FYTTD1: variants seen among roughly 807,000 people sequenced by gnomAD.
FYTTD1 encodes the protein UAP56-interacting factor.
FYTTD1 carries 22 observed loss-of-function variants against 40.9 expected under a neutral mutation model. The observed-to-expected ratio is 0.54, with a 90% CI of 0.38 to 0.77. The LOEUF is 0.77. Among genes scored for constraint, FYTTD1 ranks in the 30% least tolerant of loss-of-function variants. The pLI is 0.00. For missense variants in FYTTD1, 351 were observed against 392.2 expected (o/e 0.90, Z 0.89); for synonymous variants, 140 against 137.9 (o/e 1.01, Z -0.10).
intron 1 of FYTTD1, chr3:197,755,612 A>G (rs985074291): frequency 9.8e-6 from 1 of 101,682 alleles, no homozygotes; most frequent in African/African-American, 1.4e-4. Context: ...TACCCGGCTA[A>G]TTTATTTATT....
In FYTTD1 at chr3:197,768,508, T is replaced by C; in HGVS notation, c.305T>C (p.Ile102Thr). The change falls in exon 3 of 9, where the codon ATC becomes ACC. Residue 102 changes from isoleucine (I) to threonine (T), a missense_variant. Coordinates refer to ENST00000241502, the MANE Select transcript of FYTTD1 (RefSeq NM_032288.7). ...GGAAAGAGACGTCCTAATGGAGTTA[T>C]CACTGGCCTTGCAGCTAGGAAAACG... ...MPGKRRPNGV[I>T]TGLAARKTTG... 1.2e-6 allele frequency: 2 copies of C among 1,613,404 alleles called. No individual in the cohort carries two copies. The highest frequency in any genetic ancestry group is 8.5e-7 in the Non-Finnish European group (1 of 1,179,386).
chr3:197,756,271 A>G (rs866023468), intron 1 of FYTTD1, among the ~76,000 whole-genome samples, 155 bp from the exon 2 acceptor site: 2 of 152,190 alleles, frequency 1.3e-5, no homozygotes, highest in Non-Finnish European at 1.5e-5. Context: ...GCTTTGGGCT[A>G]TTGTAAAATG....
intron 1 of FYTTD1, chr3:197,750,559 T>C: frequency 4.1e-6 from 4 of 985,018 alleles, no homozygotes; most frequent in Non-Finnish European, 3.6e-6. Context: ...AACCAGCGCT[T>C]CCGGAGCTTT....
rs1344501887 is a variant in FYTTD1, at chr3:197,783,071, C to CA, written c.*1163dup. On this transcript the variant is annotated 3_prime_UTR_variant, in exon 9 of 9. Coordinates refer to ENST00000241502, the MANE Select transcript of FYTTD1 (RefSeq NM_032288.7). ...TTCTTATATGGTATAAATTAAAGTT[C>CA]AGGCATTTATGGGGAGAAAAGGCCC... 8 of 152,564 alleles carry CA rather than the reference C, an allele frequency of 5.2e-5. No homozygotes were observed. Among genetic ancestry groups the CA allele is most frequent in the African/African-American group, 1.7e-4 (7 of 41,408 alleles). 9.5% of individuals were successfully genotyped at this position (152,564 alleles called of 1,614,324 possible).
At chr3:197,749,650 G>A, upstream of FYTTD1, 1 of 852,670 alleles carries the variant, frequency 1.2e-6, no homozygotes, top group Non-Finnish European at 1.8e-6. Context: ...AAGATTCAGA[G>A]GTGCCCGCGG....
chr3:197,769,385 C>T (rs1349502062), intron 3 of FYTTD1, among the ~76,000 whole-genome samples: 3 of 152,234 alleles, frequency 2.0e-5, no homozygotes, highest in Non-Finnish European at 4.4e-5. Context: ...GGTGCCTGGC[C>T]AGATTCAGAA....
chr3:197,763,675 C>G, intron 2 of FYTTD1: 1 of 247,896 alleles, frequency 4.0e-6, no homozygotes, highest in Admixed American at 5.5e-5. Context: ...GCTGTTCTTA[C>G]TAGAGGTAGA....
intron 8 of FYTTD1, among the ~76,000 whole-genome samples, chr3:197,779,492 CACTT>C (rs1488483592): frequency 1.4e-5 from 2 of 146,712 alleles, no homozygotes; most frequent in African/African-American, 2.5e-5. Context: ...TTGCTAAATT[CACTT>C]ACTTTTGTAT....
chr3:197,773,229 G>A (rs1580463771), intron 4 of FYTTD1, among the ~76,000 whole-genome samples, 174 bp from the exon 5 acceptor site: 2 of 152,308 alleles, frequency 1.3e-5, no homozygotes, highest in Non-Finnish European at 2.9e-5. Flanking sequence ...TCGGAGGGAG[G>A]TATTTGTTAA....
intron 2 of FYTTD1, among the ~76,000 whole-genome samples, chr3:197,765,853 G>A (rs887293190): frequency 4.6e-5 from 7 of 151,938 alleles, no homozygotes; most frequent in Admixed American, 6.6e-5. Flanking sequence ...AAAATTAGCC[G>A]GGCATCGTAT....
rs758337852 is a variant in FYTTD1 at position 197,756,555 on chromosome 3, C to A, written c.233C>A (p.Ser78Tyr). ...GTGCGATGGGGAATCCAACAGAATT[C>A]TGGTAAGTTTTGAAAGTAAGCTTTA... ...MRVRWGIQQN[S>Y]GFGKTSLNRR... The change falls in exon 2 of 9, where the codon TCT becomes TAT. Residue 78 changes from serine (S) to tyrosine (Y), a missense_variant and splice_region_variant. By Grantham distance (144) the Ser-to-Tyr change is moderately radical. Transcript: ENST00000241502. 6.2e-7 allele frequency: 1 copy of A among 1,613,544 alleles called. No homozygotes were observed. Among genetic ancestry groups the A allele is most frequent in the Non-Finnish European group, 8.5e-7 (1 of 1,179,538 alleles).
At chr3:197,760,199 T>C (rs1357727384) in intron 2 of FYTTD1, among the ~76,000 whole-genome samples, 6 of 151,404 alleles carry the variant, frequency 4.0e-5, no homozygotes, top group Non-Finnish European at 5.9e-5. Context: ...ACATATCGAG[T>C]TGTTCCTCAG....
intron 2 of FYTTD1, among the ~76,000 whole-genome samples, chr3:197,760,595 C>A (rs1284506195): frequency 6.6e-6 from 1 of 151,376 alleles, no homozygotes; most frequent in Non-Finnish European, 1.5e-5. Context: ...TAGGGTTGTT[C>A]TTCTGTGGTA....
intron 8 of FYTTD1, among the ~76,000 whole-genome samples, chr3:197,780,578 T>C (rs1004252857): frequency 6.6e-6 from 1 of 152,026 alleles, no homozygotes; most frequent in Non-Finnish European, 1.5e-5. Flanking sequence ...AGTCTTGCTC[T>C]GTAGCCCAGG....
upstream of FYTTD1, chr3:197,749,793 G>A (rs1728931508): frequency 8.2e-6 from 4 of 486,608 alleles, no homozygotes; most frequent in East Asian, 4.1e-5. Context: ...GCGCGGGGCC[G>A]CTCTGGTCGC....
Position 197,785,891 on chromosome 3 carries a change from C to G in FYTTD1, c.*3982C>G, listed in dbSNP as rs1056616664. The G allele has an allele frequency of 1.3e-5, 2 of 149,978 alleles. No homozygotes were observed. The highest frequency in any genetic ancestry group is 4.9e-5 in the African/African-American group (2 of 40,938). The allele number at this position is 149,978 out of a possible 1,614,324, so 9.3% of individuals were successfully genotyped here. A position where few individuals can be genotyped will look rare whatever the true frequency, so the allele number is the denominator to read the frequency against. On this transcript the variant is annotated 3_prime_UTR_variant, in exon 9 of 9. Transcript: ENST00000241502. ...AAAGCAGTTAAGCATGTAAAACTTC[C>G]CTTTAGAGAGGGTTCTTTTTGGATA...
In FYTTD1 at chr3:197,785,174, C is replaced by A. The variant is rs1395360799; in HGVS notation, c.*3265C>A. ...GTTAGAAAAGTCCAGTGTTCCTAAT[C>A]AGATATGCATTTTTTAAAAACAGGC... On this transcript the variant is annotated 3_prime_UTR_variant, in exon 9 of 9. Transcript: ENST00000241502. 1 of 152,140 alleles carries A rather than the reference C, an allele frequency of 6.6e-6. No individual in the cohort carries two copies. Among genetic ancestry groups the A allele is most frequent in the Non-Finnish European group, 1.5e-5 (1 of 68,008 alleles). The allele number at this position is 152,140 out of a possible 1,614,324, so 9.4% of individuals were successfully genotyped here. A position where few individuals can be genotyped will look rare whatever the true frequency, so the allele number is the denominator to read the frequency against.
chr3:197,770,789 TCCTC>T (rs1188854983), intron 4 of FYTTD1, among the ~76,000 whole-genome samples: 3 of 152,042 alleles, frequency 2.0e-5, no homozygotes, highest in African/African-American at 7.2e-5. Flanking sequence ...CCTCAAGTGA[TCCTC>T]CCACCTCAGC....
In FYTTD1 at chr3:197,774,185, G is replaced by C; in HGVS notation, c.631G>C (p.Asp211His). Reference protein sequence around the residue: ...AQLNTEQLLDDVVAKRTRQWR... With the variant: ...AQLNTEQLLDHVVAKRTRQWR... ...GTTGAATACAGAACAACTGCTAGAC[G>C]ATGTAGTAGCAAAGAGAACTCGTCA... is the stretch of plus-strand genomic sequence containing the variant. The change falls in exon 6 of 9, where the codon GAT (aspartate) becomes CAT (histidine). Residue 211 changes from aspartate to histidine, a missense_variant. Asp to His is a moderately conservative substitution (Grantham distance 81). Transcript: ENST00000241502. 1 of 1,613,978 alleles carries C rather than the reference G, an allele frequency of 6.2e-7. No homozygotes were observed. The highest frequency in any genetic ancestry group is 8.5e-7 in the Non-Finnish European group (1 of 1,179,858).
Sources: gnomAD v4.1 joint callset for allele counts (sites outside exome capture counted in the v4.1 genomes callset) on GRCh38, gnomAD v4.1.1 for gene constraint, MANE v1.5 for transcripts, NCBI Gene and HGNC (gene_info 2026-07-23, HGNC 2026-07-21) for gene names.